Variants in PPIH observed in about 807,000 individuals in gnomAD.
The protein encoded by PPIH is peptidylprolyl isomerase H, also known as peptidyl-prolyl cis-trans isomerase H.
PPIH carries 16 observed loss-of-function variants against 27.6 expected under a neutral mutation model. That is an observed-to-expected ratio of 0.58 (90% CI 0.39 to 0.88). The LOEUF (loss-of-function observed/expected upper bound fraction) is 0.88, where lower values mean the gene tolerates loss of function less well. Ranked by LOEUF, PPIH falls within the 40% of genes least tolerant of loss-of-function variation. PPIH has a pLI of 0.00. For missense variants in PPIH, 155 were observed against 224.1 expected, an observed-to-expected ratio of 0.69 and a Z score of 1.97; for synonymous variants, 63 against 76.1, an observed-to-expected ratio of 0.83 and a Z score of 0.90.
intron 9 of PPIH, among the ~76,000 whole-genome samples, chr1:42,675,043 G>A (rs900985385): frequency 2.0e-5 from 3 of 152,180 alleles, no homozygotes; most frequent in Non-Finnish European, 4.4e-5. Context: ...GATTTCTAAG[G>A]TAAGTTAAGT....
intron 6 of PPIH, among the ~76,000 whole-genome samples, chr1:42,665,329 C>G (rs1272494076): frequency 6.6e-6 from 1 of 152,126 alleles, no homozygotes; most frequent in Non-Finnish European, 1.5e-5. Flanking sequence ...CGCTTGAACC[C>G]AGGACGGGGA....
chr1:42,670,791 TTTTA>T (rs1649588674), intron 9 of PPIH, among the ~76,000 whole-genome samples: 1 of 152,090 alleles, frequency 6.6e-6, no homozygotes, highest in Non-Finnish European at 1.5e-5. Context: ...ACTTTTTATT[TTTTA>T]TTTATTTTTT....
chr1:42,669,837 A>C (rs369041695), intron 9 of PPIH, among the ~76,000 whole-genome samples: 1 of 152,112 alleles, frequency 6.6e-6, no homozygotes. Flanking sequence ...TGGAGCTAAG[A>C]TCATTTTTCT....
chr1:42,662,084 T>G (rs1649060785), intron 5 of PPIH, among the ~76,000 whole-genome samples: 2 of 152,218 alleles, frequency 1.3e-5, no homozygotes, highest in African/African-American at 4.8e-5. Flanking sequence ...TGTTAGCTGG[T>G]AAGAAGGGCT....
chr1:42,659,444 T>C (rs1648877176), intron 3 of PPIH, 78 bp from the exon 4 acceptor site: 1 of 1,614,156 alleles, frequency 6.2e-7, no homozygotes, highest in East Asian at 2.2e-5. Context: ...GAGAGTCCTT[T>C]TGGCTCCAGT....
intron 8 of PPIH, 71 bp downstream of exon 8, chr1:42,666,658 C>T: frequency 6.8e-7 from 1 of 1,477,356 alleles, no homozygotes; most frequent in Non-Finnish European, 9.4e-7. Context: ...CGTGCAGGAG[C>T]TAGAGAAGGG....
At chr1:42,665,022 G>A in intron 6 of PPIH, 67 bp downstream of exon 6, 1 of 1,335,756 alleles carries the variant, frequency 7.5e-7, no homozygotes, top group Non-Finnish European at 1.1e-6. Flanking sequence ...TTGAGGCCCA[G>A]TGCTGTCTCT....
chr1:42,669,735 T>G (rs1649529339), intron 9 of PPIH, among the ~76,000 whole-genome samples: 2 of 152,238 alleles, frequency 1.3e-5, no homozygotes, highest in Admixed American at 1.3e-4. Flanking sequence ...TTATCAGTCT[T>G]TCACTGCTTT....
chr1:42,664,773 A>T, intron 5 of PPIH, 90 bp from the exon 6 acceptor site: 2 of 975,692 alleles, frequency 2.0e-6, no homozygotes. Flanking sequence ...GACTTTAAAG[A>T]TGTCATGCTT....
chr1:42,666,315 A>C (rs1164691422), intron 7 of PPIH, among the ~76,000 whole-genome samples: 1 of 152,176 alleles, frequency 6.6e-6, no homozygotes, highest in Non-Finnish European at 1.5e-5. Context: ...GCACCAAAGA[A>C]ATGCCATAGA....
At chr1:42,678,031 T>C (rs1649939050), downstream of PPIH, among the ~76,000 whole-genome samples, 1 of 152,206 alleles carries the variant, frequency 6.6e-6, no homozygotes. Flanking sequence ...GTGTATCAGA[T>C]GACAAGAGAT....
downstream of PPIH, among the ~76,000 whole-genome samples, chr1:42,680,517 T>C (rs1352437777): frequency 1.3e-5 from 2 of 152,202 alleles, no homozygotes; most frequent in Non-Finnish European, 2.9e-5. Context: ...TTATGGAATC[T>C]GGACTACCCT....
chr1:42,667,244 C>CT, intron 8 of PPIH, 107 bp from the exon 9 acceptor site: 1 of 951,210 alleles, frequency 1.1e-6, no homozygotes, highest in East Asian at 2.6e-5. Flanking sequence ...TGGACTGTTT[C>CT]TGAGTGCTGA....
chr1:42,666,773 A>C (rs1649365416), intron 8 of PPIH, among the ~76,000 whole-genome samples, 186 bp downstream of exon 8: 1 of 152,148 alleles, frequency 6.6e-6, no homozygotes, highest in African/African-American at 2.4e-5. Flanking sequence ...GCCTCTGATG[A>C]TCCTGTTGCC....
chr1:42,659,483 A>G (rs760586468), intron 3 of PPIH, 39 bp from the exon 4 acceptor site: 1 of 1,614,170 alleles, frequency 6.2e-7, no homozygotes, highest in South Asian at 1.1e-5. Context: ...GCCTTGTGCT[A>G]CCTGCTGTCA....
At chr1:42,660,840 T>G (rs1356463507) in intron 4 of PPIH, 22 bp from the exon 5 acceptor site, 1 of 1,577,518 alleles carries the variant, frequency 6.3e-7, no homozygotes, top group Non-Finnish European at 8.6e-7. Flanking sequence ...ATCTTCTCAG[T>G]ATTCTTTGCT....
intron 9 of PPIH, among the ~76,000 whole-genome samples, chr1:42,670,095 T>C (rs893272989): frequency 3.9e-5 from 6 of 152,230 alleles, no homozygotes; most frequent in African/African-American, 7.2e-5. Flanking sequence ...TCAGGCATTT[T>C]AGGCGGGGAA....
intron 9 of PPIH, among the ~76,000 whole-genome samples, chr1:42,670,735 G>A (rs898302976): frequency 3.3e-5 from 5 of 152,092 alleles, no homozygotes; most frequent in Non-Finnish European, 5.9e-5. Flanking sequence ...ATGTGACAAC[G>A]GAACACTTAA....
chr1:42,658,797 C>G, intron 1 of PPIH, 47 bp from the exon 2 acceptor site: 1 of 1,603,584 alleles, frequency 6.2e-7, no homozygotes. Context: ...CCGTGAAGCC[C>G]TCATGGTCTT....
Sources: allele counts gnomAD v4.1 joint callset (sites outside exome capture counted in the v4.1 genomes callset), GRCh38; gene constraint gnomAD v4.1.1; transcripts MANE v1.5; gene names NCBI Gene and HGNC (gene_info 2026-07-23, HGNC 2026-07-21).